The following TENM3 variants were observed in gnomAD, a reference collection of about 807,000 sequenced individuals.
TENM3 encodes teneurin-3.
Under a neutral mutation model 255.1 loss-of-function variants are expected in TENM3, and 63 were observed. The ratio of observed to expected loss-of-function variants is 0.25; its 90% CI spans 0.20 to 0.30. TENM3 has a LOEUF of 0.30. TENM3 is among the 10% of genes least tolerant of loss of function. The pLI, the probability that TENM3 is intolerant of heterozygous loss-of-function variation, is 1.00. For missense variants in TENM3, 2,929 were observed against 3,461.1 expected, an observed-to-expected ratio of 0.85 and a Z score of 3.86; for synonymous variants, 1,306 against 1,322.3, an observed-to-expected ratio of 0.99 and a Z score of 0.27.
At chr4:182,448,618 G>C (rs1164399424) in intron 3 of TENM3, among the ~76,000 whole-genome samples, 1 of 152,144 alleles carries the variant, frequency 6.6e-6, no homozygotes, top group Non-Finnish European at 1.5e-5. Flanking sequence ...AAAAGCCGCC[G>C]GCGAAGCCCC....
At chr4:181,985,895 A>G in the TENM3 span, among the ~76,000 whole-genome samples, 1 of 151,846 alleles carries the variant, frequency 6.6e-6, no homozygotes, top group Non-Finnish European at 1.5e-5. Context: ...CTCTTTCTTC[A>G]CCTACCTCTA....
intron 4 of TENM3, among the ~76,000 whole-genome samples, chr4:182,605,646 A>G (rs958585031): frequency 2.0e-5 from 3 of 152,202 alleles, no homozygotes; most frequent in Non-Finnish European, 4.4e-5. Context: ...ATGGGAAGAA[A>G]CATGAAGAGG....
chr4:181,664,734 C>A, the TENM3 span, among the ~76,000 whole-genome samples: 2 of 152,050 alleles, frequency 1.3e-5, no homozygotes, highest in Admixed American at 6.5e-5. Context: ...CAGGACTTGG[C>A]GGCCCGTGAT....
the TENM3 span, among the ~76,000 whole-genome samples, chr4:181,847,941 C>T: frequency 1.3e-5 from 2 of 152,114 alleles, no homozygotes; most frequent in East Asian, 3.8e-4. Context: ...CTAAAATTCA[C>T]AATGTCGGTC....
intron 16 of TENM3, among the ~76,000 whole-genome samples, chr4:182,732,006 C>T (rs1346051996): frequency 7.2e-5 from 11 of 152,138 alleles, no homozygotes; most frequent in Admixed American, 3.9e-4. Context: ...TGGTCTCCAT[C>T]TCCTGACCTC....
At chr4:181,977,128 G>A in the TENM3 span, among the ~76,000 whole-genome samples, 1 of 152,104 alleles carries the variant, frequency 6.6e-6, no homozygotes, top group Admixed American at 6.5e-5. Context: ...CTCCTCCCTA[G>A]CTCTGAAATA....
At chr4:181,585,087 C>T in the TENM3 span, among the ~76,000 whole-genome samples, 1 of 151,268 alleles carries the variant, frequency 6.6e-6, no homozygotes, top group African/African-American at 2.4e-5. Flanking sequence ...GATGCGATCA[C>T]TAACTGCCTT....
the TENM3 span, among the ~76,000 whole-genome samples, chr4:181,948,377 G>C: frequency 6.6e-6 from 1 of 152,060 alleles, no homozygotes; most frequent in South Asian, 2.1e-4. Context: ...TTATCAGCTG[G>C]CATACACAGC....
intron 1 of TENM3, among the ~76,000 whole-genome samples, chr4:182,173,544 A>AAC (rs1246170069): frequency 2.6e-5 from 4 of 152,220 alleles, no homozygotes; most frequent in Non-Finnish European, 4.4e-5. Flanking sequence ...TGGAGTTTGG[A>AAC]AAAGTATCAA....
chr4:182,330,810 T>C (rs1453278135), intron 2 of TENM3, among the ~76,000 whole-genome samples: 2 of 152,198 alleles, frequency 1.3e-5, no homozygotes, highest in African/African-American at 4.8e-5. Flanking sequence ...ACTGGAAATG[T>C]GTCAGAAGCA....
At chr4:182,249,080 T>C (rs1272286087) in intron 1 of TENM3, among the ~76,000 whole-genome samples, 4 of 152,178 alleles carry the variant, frequency 2.6e-5, no homozygotes, top group African/African-American at 9.7e-5. Flanking sequence ...ATTTTGCAGA[T>C]GAAGAAATTA....
the TENM3 span, among the ~76,000 whole-genome samples, chr4:182,134,855 C>T: frequency 1.3e-5 from 2 of 152,118 alleles, no homozygotes. Context: ...ACTCTCTTTT[C>T]TCAGAAATGC....
chr4:182,213,760 C>T (rs1341843709), intron 1 of TENM3, among the ~76,000 whole-genome samples: 2 of 152,104 alleles, frequency 1.3e-5, no homozygotes, highest in African/African-American at 2.4e-5. Flanking sequence ...TATATATTTT[C>T]GCTATTGTCT....
chr4:181,861,367 G>T, the TENM3 span, among the ~76,000 whole-genome samples: 1 of 152,094 alleles, frequency 6.6e-6, no homozygotes, highest in Non-Finnish European at 1.5e-5. Flanking sequence ...TCGATCTTGA[G>T]GCAGTCTTTC....
chr4:182,659,879 A>G (rs1249101360), intron 6 of TENM3, among the ~76,000 whole-genome samples: 1 of 152,182 alleles, frequency 6.6e-6, no homozygotes, highest in East Asian at 1.9e-4. Context: ...TAAAAACAAT[A>G]GCACACAGAG....
At chr4:182,460,872 G>T (rs1774273213) in intron 3 of TENM3, among the ~76,000 whole-genome samples, 1 of 152,112 alleles carries the variant, frequency 6.6e-6, no homozygotes. Flanking sequence ...ATATTTAACT[G>T]CAGTCTATTT....
chr4:181,542,652 A>G, the TENM3 span, among the ~76,000 whole-genome samples: 269 of 152,326 alleles, frequency 1.8e-3, 2 homozygotes, highest in Admixed American at 3.3e-3. Context: ...CTAGGTTTTC[A>G]TTTCATATGA....
At chr4:181,992,171 AAC>A in the TENM3 span, among the ~76,000 whole-genome samples, 3 of 152,178 alleles carry the variant, frequency 2.0e-5, no homozygotes, top group South Asian at 6.2e-4. Flanking sequence ...GAACGGAAAT[AAC>A]AGGCTAGAAT....
the TENM3 span, among the ~76,000 whole-genome samples, chr4:181,691,180 A>G: frequency 4.6e-5 from 7 of 151,978 alleles, no homozygotes; most frequent in African/African-American, 1.7e-4. Context: ...AATAAAATCA[A>G]AGATAATTGT....
Sources: gnomAD v4.1 joint callset for allele counts (sites outside exome capture counted in the v4.1 genomes callset) on GRCh38, gnomAD v4.1.1 for gene constraint, MANE v1.5 for transcripts, NCBI Gene and HGNC (gene_info 2026-07-23, HGNC 2026-07-21) for gene names.